The following LEKR1 variants were observed in gnomAD, a reference collection of about 807,000 sequenced individuals.
The protein encoded by LEKR1 is protein LEKR1.
Under a neutral mutation model 72.4 loss-of-function variants are expected in LEKR1, and 59 were observed. That is an observed-to-expected ratio of 0.82 (90% CI 0.66 to 1.01). The LOEUF is 1.01. Ranked by LOEUF, LEKR1 falls within the 50% of genes least tolerant of loss-of-function variation. The probability of loss-of-function intolerance (pLI) is 0.00; values close to 1 mark genes in which losing one functional copy is unlikely to be tolerated. For missense variants in LEKR1, 728 were observed against 759.2 expected, an observed-to-expected ratio of 0.96 and a Z score of 0.48; for synonymous variants, 257 against 263.2, an observed-to-expected ratio of 0.98 and a Z score of 0.23.
At chr3:157,030,984 TACC>T (rs1472929131) in intron 12 of LEKR1, among the ~76,000 whole-genome samples, 1 of 152,146 alleles carries the variant, frequency 6.6e-6, no homozygotes, top group East Asian at 1.9e-4. Context: ...GGAAGAGACA[TACC>T]AGTGCTTCTG....
intron 2 of LEKR1, among the ~76,000 whole-genome samples, chr3:156,839,472 C>T (rs62273920): frequency 0.031 from 4,746 of 152,238 alleles, 109 homozygotes; most frequent in Non-Finnish European, 0.047. Context: ...ACTGTCCAGA[C>T]GTTGTGCATG....
At chr3:157,042,917 C>G (rs1033237726) in intron 12 of LEKR1, among the ~76,000 whole-genome samples, 1 of 152,074 alleles carries the variant, frequency 6.6e-6, no homozygotes, top group Non-Finnish European at 1.5e-5. Context: ...TGTCCCCACC[C>G]AAATCTCATG....
intron 9 of LEKR1, among the ~76,000 whole-genome samples, chr3:157,006,933 G>A (rs975298859): frequency 2.0e-5 from 3 of 152,190 alleles, no homozygotes; most frequent in Non-Finnish European, 2.9e-5. Flanking sequence ...TGGGCACGGC[G>A]GCTCACGCCT....
At chr3:156,998,425 G>A (rs1163922212) in intron 9 of LEKR1, among the ~76,000 whole-genome samples, 1 of 152,130 alleles carries the variant, frequency 6.6e-6, no homozygotes, top group Non-Finnish European at 1.5e-5. Context: ...CATACAGCCA[G>A]AACACACACT....
At chr3:156,909,726 T>C (rs1722925939) in intron 3 of LEKR1, among the ~76,000 whole-genome samples, 1 of 152,026 alleles carries the variant, frequency 6.6e-6, no homozygotes, top group Non-Finnish European at 1.5e-5. Context: ...TTTCCATTTC[T>C]GTGAGAAAAG....
At chr3:156,979,000 A>C (rs1488193474) in intron 6 of LEKR1, among the ~76,000 whole-genome samples, 194 bp from the exon 7 acceptor site, 1 of 152,178 alleles carries the variant, frequency 6.6e-6, no homozygotes, top group South Asian at 2.1e-4. Context: ...AAACCCATTA[A>C]GTCTGTGGGG....
At chr3:157,006,884 G>A (rs1276415719) in intron 9 of LEKR1, among the ~76,000 whole-genome samples, 1 of 152,108 alleles carries the variant, frequency 6.6e-6, no homozygotes, top group African/African-American at 2.4e-5. Context: ...TGATTGCCTG[G>A]AGGAGAGGGG....
At chr3:156,984,414 T>C (rs1044402396) in intron 7 of LEKR1, among the ~76,000 whole-genome samples, 3 of 152,216 alleles carry the variant, frequency 2.0e-5, no homozygotes, top group East Asian at 1.9e-4. Context: ...CAGTGCCTCA[T>C]GCCTGTAATC....
chr3:156,975,904 A>G (rs1729646887), intron 6 of LEKR1, among the ~76,000 whole-genome samples: 1 of 152,178 alleles, frequency 6.6e-6, no homozygotes, highest in South Asian at 2.1e-4. Flanking sequence ...TCATAATCCA[A>G]TGTCATGCTG....
At chr3:156,916,146 T>G (rs1246829168) in intron 3 of LEKR1, among the ~76,000 whole-genome samples, 1 of 152,220 alleles carries the variant, frequency 6.6e-6, no homozygotes, top group African/African-American at 2.4e-5. Flanking sequence ...AGTACTATGC[T>G]GTTTTGCTTA....
chr3:156,888,113 A>T lies in LEKR1; in HGVS notation c.264-32462A>T, dbSNP rs1720290959. Among the ~76,000 whole-genome samples, 4 of 152,176 alleles carry T rather than the reference A, an allele frequency of 2.6e-5. No homozygotes were observed. In the South Asian group the frequency reaches 8.3e-4, roughly 31 times the overall value. On this transcript the variant is annotated intron_variant, in intron 3 of 12. Coordinates refer to ENST00000356539, the MANE Select transcript of LEKR1 (RefSeq NM_001004316.3). ...TTCATGTAGCTTTTTAGTATCTTTA[A>T]TGACACTATCCAGTTGAATGTGATT...
intron 3 of LEKR1, among the ~76,000 whole-genome samples, chr3:156,886,672 C>A (rs1454400934): frequency 6.6e-6 from 1 of 152,142 alleles, no homozygotes; most frequent in Non-Finnish European, 1.5e-5. Flanking sequence ...AAATCCATTT[C>A]ATCTCTAGGT....
intron 3 of LEKR1, among the ~76,000 whole-genome samples, chr3:156,899,281 T>C (rs1171486634): frequency 6.8e-6 from 1 of 147,158 alleles, no homozygotes; most frequent in Non-Finnish European, 1.5e-5. Flanking sequence ...CATGTATATA[T>C]ATACATGTAT....
intron 6 of LEKR1, among the ~76,000 whole-genome samples, chr3:156,971,548 C>T (rs934541029): frequency 6.6e-6 from 1 of 152,112 alleles, no homozygotes; most frequent in African/African-American, 2.4e-5. Context: ...TCAGAGTGAA[C>T]AGGCAACCTA....
intron 4 of LEKR1, 114 bp downstream of exon 4, chr3:156,920,808 A>G (rs968855001): frequency 2.9e-5 from 17 of 582,756 alleles, no homozygotes; most frequent in African/African-American, 3.9e-5. Context: ...GTGATTGAGA[A>G]AAGTGAAACA....
At chr3:157,034,876 A>G (rs1428376264) in intron 12 of LEKR1, among the ~76,000 whole-genome samples, 5 of 152,160 alleles carry the variant, frequency 3.3e-5, no homozygotes, top group Admixed American at 2.6e-4. Flanking sequence ...GCAGTGGCGC[A>G]ATCTCAGCTC....
intron 3 of LEKR1, among the ~76,000 whole-genome samples, chr3:156,917,774 A>G (rs1167965359): frequency 6.6e-6 from 1 of 152,084 alleles, no homozygotes; most frequent in Non-Finnish European, 1.5e-5. Flanking sequence ...GAAGGAATAA[A>G]ACTTTGGAAC....
At chr3:157,025,946 AG>A (rs1734154354) in intron 11 of LEKR1, among the ~76,000 whole-genome samples, 1 of 151,820 alleles carries the variant, frequency 6.6e-6, no homozygotes, top group Admixed American at 6.6e-5. Flanking sequence ...GCTACTTGGG[AG>A]GCTGATACAA....
intron 12 of LEKR1, among the ~76,000 whole-genome samples, chr3:157,044,059 TC>T (rs1390899597): frequency 6.6e-6 from 1 of 152,236 alleles, no homozygotes; most frequent in Non-Finnish European, 1.5e-5. Flanking sequence ...GATACTACTG[TC>T]CCTGGTGCTT....
Sources: allele counts gnomAD v4.1 joint callset (sites outside exome capture counted in the v4.1 genomes callset), GRCh38; gene constraint gnomAD v4.1.1; transcripts MANE v1.5; gene names NCBI Gene and HGNC (gene_info 2026-07-23, HGNC 2026-07-21).